TRAPPC12: variants seen among roughly 807,000 people sequenced by gnomAD.
TRAPPC12 encodes the protein TPR repeat protein 15.
TRAPPC12 carries 61 observed loss-of-function variants against 69.2 expected under a neutral mutation model. The observed-to-expected ratio is 0.88, with a 90% CI of 0.72 to 1.09. The LOEUF (loss-of-function observed/expected upper bound fraction) is 1.09, where lower values mean the gene tolerates loss of function less well. Among genes scored for constraint, TRAPPC12 ranks in the 50% least tolerant of loss-of-function variants. The probability of loss-of-function intolerance (pLI) is 0.00; values close to 1 mark genes in which losing one functional copy is unlikely to be tolerated. For synonymous variants in TRAPPC12, 469 were observed against 438.9 expected, an observed-to-expected ratio of 1.07 and a Z score of -0.86; for missense variants, 1,101 against 1,016.4, an observed-to-expected ratio of 1.08 and a Z score of -1.13.
In TRAPPC12 at chr2:3,388,585, G is replaced by A; in HGVS notation, c.962G>A (p.Arg321Gln). The change falls in exon 2 of 12, where the codon CGG becomes CAG. Residue 321 changes from arginine to glutamine, a missense_variant. Coordinates refer to ENST00000324266, the MANE Select transcript of TRAPPC12 (RefSeq NM_016030.6). ...GGCGAGGCTACGCGTGGAGTCCTGC[G>A]GGCCGTGGCCACCCAGCAGCGCGGC... ...LPGEATRGVL[R>Q]AVATQQRGAV... 2 of 1,611,194 alleles carry A rather than the reference G, an allele frequency of 1.2e-6. No homozygotes were observed. The highest frequency in any genetic ancestry group is 1.7e-6 in the Non-Finnish European group (2 of 1,178,838).
chr2:3,421,683 C>T (rs1433534339), intron 3 of TRAPPC12, 198 bp from the exon 4 acceptor site: 3 of 715,884 alleles, frequency 4.2e-6, no homozygotes, highest in Non-Finnish European at 7.8e-6. Context: ...TCTCTTATTG[C>T]CTAATTACAC....
At chr2:3,382,423 A>G (rs982020566) in intron 1 of TRAPPC12, among the ~76,000 whole-genome samples, 1 of 151,892 alleles carries the variant, frequency 6.6e-6, no homozygotes, top group Non-Finnish European at 1.5e-5. Flanking sequence ...GTGAGCCACC[A>G]CGCCCAGCCT....
chr2:3,423,788 A>G (rs1449876221), intron 4 of TRAPPC12, among the ~76,000 whole-genome samples: 6 of 152,142 alleles, frequency 3.9e-5, no homozygotes, highest in African/African-American at 9.7e-5. Context: ...GTCAGATCCA[A>G]TTAGGTCATT....
intron 3 of TRAPPC12, among the ~76,000 whole-genome samples, chr2:3,413,458 C>T (rs776561218): frequency 3.9e-5 from 6 of 152,122 alleles, no homozygotes; most frequent in Non-Finnish European, 7.3e-5. Context: ...GAGTGGTGTT[C>T]GGTTAGTGAA....
chr2:3,405,136 G>T lies in TRAPPC12; in HGVS notation c.1164+3243G>T, dbSNP rs1197810187. Among the ~76,000 whole-genome samples the T allele has an allele frequency of 2.0e-5, 3 of 147,772 alleles. No individual in the cohort carries two copies. The Admixed American group carries it at 2.1e-4, about 10-fold the overall frequency. On this transcript the variant is annotated intron_variant, in intron 3 of 11. Coordinates refer to ENST00000324266, the MANE Select transcript of TRAPPC12 (RefSeq NM_016030.6). ...AGTGTCAGGCAGAGCATTTCAGCAG[G>T]GTCTACTTTATGTAGAAGTCTCTCT...
At chr2:3,465,227 G>A (rs556633388) in intron 8 of TRAPPC12, among the ~76,000 whole-genome samples, 67 of 152,326 alleles carry the variant, frequency 4.4e-4, no homozygotes, top group African/African-American at 1.5e-3. Flanking sequence ...GACAGCGTTC[G>A]CCAACTCACA....
chr2:3,429,839 C>T (rs752882586), intron 5 of TRAPPC12, among the ~76,000 whole-genome samples: 3 of 152,172 alleles, frequency 2.0e-5, no homozygotes, highest in Non-Finnish European at 2.9e-5. Context: ...ATTAAATACT[C>T]GGACCATTAA....
intron 5 of TRAPPC12, among the ~76,000 whole-genome samples, chr2:3,442,715 A>G (rs1664286947): frequency 1.3e-5 from 2 of 152,250 alleles, no homozygotes; most frequent in African/African-American, 2.4e-5. Flanking sequence ...GACCATAAAC[A>G]TAAAGCTCAT....
Position 3,383,498 on chromosome 2 carries a change from A to C in TRAPPC12, c.-5+3622A>C, listed in dbSNP as rs183654052. Among the ~76,000 whole-genome samples the C allele has an allele frequency of 9.5e-4, 139 of 147,046 alleles. No individual in the cohort carries two copies. In the East Asian group the frequency reaches 0.026, roughly 27 times the overall value. On this transcript the variant is annotated intron_variant, in intron 1 of 11. Transcript: ENST00000324266. ...ACTACAACCTCTGCCTCCTGGGTTC[A>C]AGCGATTCTCCTGCCTCAGCCTCCC...
intron 5 of TRAPPC12, among the ~76,000 whole-genome samples, chr2:3,441,015 G>T (rs996287768): frequency 6.6e-6 from 1 of 152,152 alleles, no homozygotes; most frequent in African/African-American, 2.4e-5. Flanking sequence ...TCTGGTCATG[G>T]TTCATAATTC....
intron 5 of TRAPPC12, among the ~76,000 whole-genome samples, chr2:3,427,536 A>G (rs1242024909): frequency 3.9e-5 from 6 of 152,216 alleles, no homozygotes; most frequent in African/African-American, 1.4e-4. Flanking sequence ...AATTTATGAC[A>G]GGTGTTTAAG....
At chr2:3,410,746 T>C (rs1299342482) in intron 3 of TRAPPC12, among the ~76,000 whole-genome samples, 4 of 152,172 alleles carry the variant, frequency 2.6e-5, no homozygotes, top group African/African-American at 9.7e-5. Flanking sequence ...GATAACAAAT[T>C]GAGGGCCAGG....
intron 1 of TRAPPC12, 103 bp from the exon 2 acceptor site, chr2:3,387,517 G>C: frequency 1.0e-6 from 1 of 959,168 alleles, no homozygotes; most frequent in Non-Finnish European, 1.5e-6. Flanking sequence ...AGAAGCTGGA[G>C]AAATGGAAGT....
chr2:3,448,923 A>G (rs1459943825), intron 6 of TRAPPC12, among the ~76,000 whole-genome samples: 5 of 152,196 alleles, frequency 3.3e-5, no homozygotes, highest in Non-Finnish European at 1.5e-5. Context: ...TGTGTTCAGC[A>G]TGTGTGTTTT....
chr2:3,439,569 C>CTTAAA (rs1664081583), intron 5 of TRAPPC12, among the ~76,000 whole-genome samples: 1 of 151,458 alleles, frequency 6.6e-6, no homozygotes, highest in Non-Finnish European at 1.5e-5. Context: ...AAGAATTCTT[C>CTTAAA]ATATATGTTG....
intron 3 of TRAPPC12, among the ~76,000 whole-genome samples, chr2:3,407,044 G>A (rs941835441): frequency 3.3e-5 from 5 of 152,154 alleles, no homozygotes; most frequent in Non-Finnish European, 7.3e-5. Flanking sequence ...AAAATAATTC[G>A]TGTTGTCTTT....
At position 3,414,188 on chromosome 2, in the gene TRAPPC12, G is replaced by A. The variant is rs906758994; in HGVS notation, c.1165-7693G>A. On this transcript the variant is annotated intron_variant, in intron 3 of 11. Transcript: ENST00000324266. The surrounding 1 kb of genome is among the most constrained non-coding windows in gnomAD (Gnocchi z 4.9). ...ATAATTAATTTTTAGCACATAGTAT[G>A]TTGCATATGTGATTTAATTATATTT... Among the ~76,000 whole-genome samples the A allele has an allele frequency of 5.9e-5, 9 of 152,256 alleles. No homozygotes were observed. The highest frequency in any genetic ancestry group is 2.2e-4 in the African/African-American group (9 of 41,534).
At chr2:3,399,828 C>T (rs552774293) in intron 2 of TRAPPC12, among the ~76,000 whole-genome samples, 5 of 139,854 alleles carry the variant, frequency 3.6e-5, no homozygotes, top group Non-Finnish European at 6.2e-5. Flanking sequence ...ACCGCCCCGC[C>T]GCCAAAAAAA....
chr2:3,476,131 G>A (rs1032309439), intron 9 of TRAPPC12, among the ~76,000 whole-genome samples: 30 of 152,198 alleles, frequency 2.0e-4, no homozygotes, highest in Non-Finnish European at 2.5e-4. Context: ...ATGCCATTCA[G>A]TGTGTGGTGT....
Sources: gnomAD v4.1 joint callset for allele counts (sites outside exome capture counted in the v4.1 genomes callset) on GRCh38, gnomAD v4.1.1 for gene constraint, Gnocchi (gnomAD v3.1) non-coding constraint, MANE v1.5 for transcripts, NCBI Gene and HGNC (gene_info 2026-07-23, HGNC 2026-07-21) for gene names.